The following ANP32B variants were observed in gnomAD, a reference collection of about 807,000 sequenced individuals.
ANP32B encodes acidic leucine-rich nuclear phosphoprotein 32 family member B.
In ANP32B, 6 loss-of-function variants were observed where a neutral mutation model predicts 32.2. The ratio of observed to expected loss-of-function variants is 0.19; its 90% CI spans 0.10 to 0.37. The LOEUF (loss-of-function observed/expected upper bound fraction) is 0.37, where lower values mean the gene tolerates loss of function less well. Among genes scored for constraint, ANP32B ranks in the 10% least tolerant of loss-of-function variants. The pLI is 1.00. For synonymous variants in ANP32B, 98 were observed against 105.8 expected, an observed-to-expected ratio of 0.93 and a Z score of 0.45; for missense variants, 204 against 289.2, an observed-to-expected ratio of 0.71 and a Z score of 2.14.
intron 4 of ANP32B, among the ~76,000 whole-genome samples, chr9:98,008,422 T>A (rs1203124293): frequency 1.3e-5 from 2 of 152,208 alleles, no homozygotes; most frequent in Admixed American, 1.3e-4. Context: ...CCACAACCCA[T>A]TTATGAATAA....
intron 2 of ANP32B, among the ~76,000 whole-genome samples, chr9:97,997,190 GCTAACA>G (rs1419468290): frequency 6.6e-6 from 1 of 152,134 alleles, no homozygotes; most frequent in Non-Finnish European, 1.5e-5. Context: ...CACCAATAAA[GCTAACA>G]CTTGACTCTA....
intron 1 of ANP32B, among the ~76,000 whole-genome samples, chr9:97,990,018 G>A (rs1827797271): frequency 6.6e-6 from 1 of 152,192 alleles, no homozygotes; most frequent in Non-Finnish European, 1.5e-5. Context: ...GGTTGGAGGG[G>A]TAGTCTTTTG....
At chr9:97,991,537 C>T (rs1000113159) in intron 1 of ANP32B, among the ~76,000 whole-genome samples, 1 of 152,148 alleles carries the variant, frequency 6.6e-6, no homozygotes, top group East Asian at 1.9e-4. Context: ...AAGATATCCT[C>T]AAGAACAAGA....
chr9:97,993,595 G>A (rs1363992850), intron 1 of ANP32B, among the ~76,000 whole-genome samples: 1 of 152,220 alleles, frequency 6.6e-6, no homozygotes, highest in African/African-American at 2.4e-5. Context: ...GGATCTGCAT[G>A]TAGACTATTA....
intron 1 of ANP32B, among the ~76,000 whole-genome samples, chr9:97,983,970 G>T (rs1335264759): frequency 2.0e-5 from 3 of 150,836 alleles, no homozygotes; most frequent in Admixed American, 2.0e-4. Flanking sequence ...CTCCCGGGAT[G>T]CGCGGCCGGG....
chr9:97,988,993 G>A (rs918060640), intron 1 of ANP32B, among the ~76,000 whole-genome samples: 2 of 151,998 alleles, frequency 1.3e-5, no homozygotes, highest in East Asian at 1.9e-4. Flanking sequence ...GGAGAGCATC[G>A]CCCCACCAGT....
At chr9:98,008,559 G>A (rs1828127930) in intron 4 of ANP32B, among the ~76,000 whole-genome samples, 1 of 152,218 alleles carries the variant, frequency 6.6e-6, no homozygotes, top group African/African-American at 2.4e-5. Flanking sequence ...TAAAGTCGAG[G>A]TGGAATATCC....
chr9:97,991,176 CATG>C (rs927464895), intron 1 of ANP32B, among the ~76,000 whole-genome samples: 1 of 151,664 alleles, frequency 6.6e-6, no homozygotes, highest in African/African-American at 2.4e-5. Flanking sequence ...AGCATAGTGG[CATG>C]ATAATGGCTC....
In ANP32B at chr9:98,012,427, G is replaced by C. The variant is rs1384813255; in HGVS notation, c.643G>C (p.Glu215Gln). The stretch of plus-strand genomic sequence containing the variant: ...GCTGTTTGCTATTCTTTAGGAAGAA[G>C]AATTTGGACTTGATGAAGAAGATGA... ...DDDEVSEEEE[E>Q]FGLDEEDEDE... The change falls in exon 6 of 7, where the codon GAA becomes CAA. Residue 215 changes from glutamate (E) to glutamine (Q), a missense_variant. Transcript: ENST00000339399. The C allele has an allele frequency of 6.2e-7, 1 of 1,612,512 alleles. No homozygotes were observed. Among genetic ancestry groups the C allele is most frequent in the Non-Finnish European group, 8.5e-7 (1 of 1,179,462 alleles).
intron 3 of ANP32B, among the ~76,000 whole-genome samples, chr9:98,000,754 C>A (rs1827975887): frequency 6.6e-6 from 1 of 151,912 alleles, no homozygotes; most frequent in African/African-American, 2.4e-5. Context: ...AACCCCATCT[C>A]TACTAAAAAT....
chr9:98,009,888 A>G (rs1828150676), intron 4 of ANP32B, among the ~76,000 whole-genome samples: 1 of 152,358 alleles, frequency 6.6e-6, no homozygotes, highest in Non-Finnish European at 1.5e-5. Context: ...TTACAGTTTT[A>G]TTTTGAAGCA....
At chr9:97,988,049 T>G (rs1827766459) in intron 1 of ANP32B, among the ~76,000 whole-genome samples, 1 of 152,134 alleles carries the variant, frequency 6.6e-6, no homozygotes, top group South Asian at 2.1e-4. Flanking sequence ...TCTAGACACT[T>G]TAGTGTATTA....
chr9:98,011,004 A>G (rs906240051), intron 4 of ANP32B, among the ~76,000 whole-genome samples: 1 of 152,134 alleles, frequency 6.6e-6, no homozygotes, highest in East Asian at 1.9e-4. Context: ...TCCCCACTCC[A>G]TATAATTTTG....
intron 3 of ANP32B, among the ~76,000 whole-genome samples, chr9:98,003,731 A>G (rs1182386496): frequency 1.3e-5 from 2 of 152,198 alleles, no homozygotes; most frequent in African/African-American, 2.4e-5. Context: ...AAGCATCAAC[A>G]TTTATTTTTT....
chr9:98,000,694 C>T (rs773996075), intron 3 of ANP32B, among the ~76,000 whole-genome samples: 6 of 152,086 alleles, frequency 3.9e-5, no homozygotes, highest in South Asian at 2.1e-4. Context: ...GAGGCCGAGG[C>T]GGGCAGATCA....
intron 1 of ANP32B, 113 bp from the exon 2 acceptor site, chr9:97,994,518 G>A (rs1587873331): frequency 2.0e-6 from 2 of 983,050 alleles, no homozygotes; most frequent in Non-Finnish European, 3.0e-6. Flanking sequence ...TAAGTAAGAG[G>A]CTGCCTGTAT....
At chr9:97,985,141 C>T (rs1827694859) in intron 1 of ANP32B, among the ~76,000 whole-genome samples, 1 of 151,568 alleles carries the variant, frequency 6.6e-6, no homozygotes, top group African/African-American at 2.4e-5. Context: ...GTGGCTTTCC[C>T]GCGGAGGGCG....
chr9:98,011,105 A>G (rs1018937321), intron 4 of ANP32B, among the ~76,000 whole-genome samples, 166 bp from the exon 5 acceptor site: 1 of 151,972 alleles, frequency 6.6e-6, no homozygotes, highest in Non-Finnish European at 1.5e-5. Context: ...ATTTTATGGG[A>G]CTCTATCGGA....
chr9:98,010,737 C>G (rs1828169148), intron 4 of ANP32B, among the ~76,000 whole-genome samples: 1 of 152,086 alleles, frequency 6.6e-6, no homozygotes, highest in South Asian at 2.1e-4. Flanking sequence ...TGCCTCTCAG[C>G]CTCCTGTCCC....
Sources: gnomAD v4.1 joint callset for allele counts (sites outside exome capture counted in the v4.1 genomes callset) on GRCh38, gnomAD v4.1.1 for gene constraint, MANE v1.5 for transcripts, NCBI Gene and HGNC (gene_info 2026-07-23, HGNC 2026-07-21) for gene names.